Variants in YPEL2 observed in about 807,000 individuals in gnomAD.
The protein encoded by YPEL2 is yippee like 2.
Under a neutral mutation model 19.1 loss-of-function variants are expected in YPEL2, and 2 were observed. The ratio of observed to expected loss-of-function variants is 0.10; its 90% CI spans 0.04 to 0.33. YPEL2 has a LOEUF of 0.33. YPEL2 is among the 10% of genes least tolerant of loss of function. The pLI is 1.00. For missense variants in YPEL2, 66 were observed against 140.7 expected, an observed-to-expected ratio of 0.47 and a Z score of 2.68; for synonymous variants, 52 against 50.0, an observed-to-expected ratio of 1.04 and a Z score of -0.17.
chr17:59,348,252 C>A (rs573089557), intron 1 of YPEL2, among the ~76,000 whole-genome samples: 10 of 152,348 alleles, frequency 6.6e-5, no homozygotes, highest in African/African-American at 2.4e-4. Context: ...TTGGGGCCAG[C>A]CTTGTCTCAT....
At chr17:59,341,919 T>G (rs1036076184) in intron 1 of YPEL2, among the ~76,000 whole-genome samples, 1 of 152,230 alleles carries the variant, frequency 6.6e-6, no homozygotes, top group Non-Finnish European at 1.5e-5. Flanking sequence ...GACAGTTTAA[T>G]AATTCCCAGA....
chr17:59,393,665 CCG>C (rs1436788975), intron 4 of YPEL2, among the ~76,000 whole-genome samples: 1 of 147,218 alleles, frequency 6.8e-6, no homozygotes, highest in Non-Finnish European at 1.5e-5. Flanking sequence ...CTGCGGCCTT[CCG>C]CAGTGTTTGT....
rs575924509 is a variant in YPEL2, at chr17:59,374,943, G to A, written c.118-13384G>A. On this transcript the variant is annotated intron_variant, in intron 2 of 4. Transcript: ENST00000312655. ...CATAGAAGGAAAACCTGATGTGGGA[G>A]AGATAAGAGCTTTAAATCTATGACC... Among the ~76,000 whole-genome samples, 3 of 152,320 alleles carry A rather than the reference G, an allele frequency of 2.0e-5. No homozygotes were observed. The South Asian group carries it at 6.2e-4, about 32-fold the overall frequency.
chr17:59,370,769 G>A (rs1375182981), intron 2 of YPEL2, among the ~76,000 whole-genome samples: 5 of 152,162 alleles, frequency 3.3e-5, no homozygotes, highest in Admixed American at 6.5e-5. Flanking sequence ...GGCACAGGTG[G>A]CCCTCAGCAG....
At chr17:59,392,545 C>CT (rs2048012959) in intron 4 of YPEL2, among the ~76,000 whole-genome samples, 1 of 140,170 alleles carries the variant, frequency 7.1e-6, no homozygotes. Context: ...GAGTCTCACT[C>CT]TGTCACCCAG....
chr17:59,392,152 C>T (rs1407679987), intron 4 of YPEL2, among the ~76,000 whole-genome samples: 1 of 152,154 alleles, frequency 6.6e-6, no homozygotes, highest in African/African-American at 2.4e-5. Context: ...AAAAGTTCTG[C>T]CCCTGCCCCT....
intron 1 of YPEL2, chr17:59,345,144 C>T (rs1222541369): frequency 6.6e-6 from 1 of 152,208 alleles, no homozygotes; most frequent in African/African-American, 2.4e-5. Context: ...AATACTTTCT[C>T]CTGAGGCAGG....
At chr17:59,342,220 T>G (rs1567731035) in intron 1 of YPEL2, among the ~76,000 whole-genome samples, 1 of 152,234 alleles carries the variant, frequency 6.6e-6, no homozygotes, top group South Asian at 2.1e-4. Context: ...GGGCCCCAGC[T>G]GTGCCCTGGG....
At position 59,337,280 on chromosome 17, in the gene YPEL2, C is replaced by T. The variant is rs574659356; in HGVS notation, c.-196+5456C>T. Among the ~76,000 whole-genome samples the T allele has an allele frequency of 3.7e-3, 554 of 151,522 alleles. 1 individual carries two copies. Among genetic ancestry groups the T allele is most frequent in the Non-Finnish European group, 5.9e-3 (401 of 67,870 alleles). On this transcript the variant is annotated intron_variant, in intron 1 of 4. Transcript: ENST00000312655. ...TCGGCTCACTGCAAGCTCCGCCTCCCGGGTTCACGCCATTCTCCTGCCTCA... is the reference window on the plus strand; with the variant it reads ...TCGGCTCACTGCAAGCTCCGCCTCCTGGGTTCACGCCATTCTCCTGCCTCA...
chr17:59,339,600 A>C (rs1006689122), intron 1 of YPEL2, among the ~76,000 whole-genome samples: 1 of 152,122 alleles, frequency 6.6e-6, no homozygotes, highest in Non-Finnish European at 1.5e-5. Context: ...AGACTCTCCC[A>C]TTCTGCTTGA....
chr17:59,338,108 G>A (rs940188298), intron 1 of YPEL2, among the ~76,000 whole-genome samples: 8 of 152,218 alleles, frequency 5.3e-5, no homozygotes, highest in Admixed American at 3.3e-4. Context: ...CTACAGAGGA[G>A]TCAGCCCTCC....
chr17:59,362,362 C>T (rs141954268), intron 2 of YPEL2, among the ~76,000 whole-genome samples: 2 of 151,730 alleles, frequency 1.3e-5, no homozygotes, highest in East Asian at 1.9e-4. Flanking sequence ...GCAGACCTGT[C>T]GCACAGTCAC....
chr17:59,334,571 A>ACACAC (rs1555568490), intron 1 of YPEL2, among the ~76,000 whole-genome samples: 3 of 145,122 alleles, frequency 2.1e-5, no homozygotes, highest in African/African-American at 7.7e-5. Context: ...TTCAGGCACA[A>ACACAC]ACACACACAC....
intron 1 of YPEL2, among the ~76,000 whole-genome samples, chr17:59,340,525 C>T (rs186658198): frequency 3.9e-5 from 6 of 151,974 alleles, no homozygotes; most frequent in African/African-American, 1.4e-4. Flanking sequence ...ACGCCATTCT[C>T]CTGCCTCAGC....
chr17:59,390,912 CAG>C (rs1459887392), intron 4 of YPEL2, among the ~76,000 whole-genome samples: 1 of 152,222 alleles, frequency 6.6e-6, no homozygotes, highest in Non-Finnish European at 1.5e-5. Flanking sequence ...CTCATACTTA[CAG>C]AGTTGGTTTG....
chr17:59,396,078 C>T (rs572007303), intron 4 of YPEL2, among the ~76,000 whole-genome samples: 1 of 152,232 alleles, frequency 6.6e-6, no homozygotes, highest in South Asian at 2.1e-4. Context: ...AAGACTCCGT[C>T]TCAAAATAAT....
chr17:59,353,343 G>A lies in YPEL2; in HGVS notation c.-67G>A, dbSNP rs773424783. On this transcript the variant is annotated 5_prime_UTR_variant, in exon 2 of 5. The change creates a new upstream start codon in the 5' untranslated region. Coordinates refer to ENST00000312655, the MANE Select transcript of YPEL2 (RefSeq NM_001005404.4). This position sits in a 1 kb window ranked among gnomAD's most constrained non-coding sequence, Gnocchi z 4.8. The stretch of plus-strand genomic sequence containing the variant: ...TTACCTGTGTCTTCCGGTGTTTCCC[G>A]TGCGACCCATCCTGTGGGAGTGCCT... 5.8e-6 allele frequency: 7 copies of A among 1,209,646 alleles called. No individual in the cohort carries two copies. Among genetic ancestry groups the A allele is most frequent in the East Asian group, 2.4e-5 (1 of 42,552 alleles). 74.9% of individuals were successfully genotyped at this position (1,209,646 alleles called of 1,614,324 possible).
chr17:59,395,165 A>G (rs974456043), intron 4 of YPEL2, among the ~76,000 whole-genome samples: 2 of 152,202 alleles, frequency 1.3e-5, no homozygotes, highest in South Asian at 2.1e-4. Context: ...ACCGTGGAAC[A>G]ATGGACCTTA....
At chr17:59,349,869 C>T (rs147273747) in intron 1 of YPEL2, among the ~76,000 whole-genome samples, 6,474 of 151,874 alleles carry the variant, frequency 0.043, 175 homozygotes, top group South Asian at 0.094. Context: ...CCATATTGGC[C>T]AGGATGGTCT....
Sources: gnomAD v4.1 joint callset for allele counts (sites outside exome capture counted in the v4.1 genomes callset) on GRCh38, gnomAD v4.1.1 for gene constraint, Gnocchi (gnomAD v3.1) non-coding constraint, MANE v1.5 for transcripts, NCBI Gene and HGNC (gene_info 2026-07-23, HGNC 2026-07-21) for gene names.